The following SRRM2 variants were observed in gnomAD, a reference collection of about 807,000 sequenced individuals.
The protein encoded by SRRM2 is serine/arginine repetitive matrix 2, also known as serine/arginine repetitive matrix protein 2.
In SRRM2, 30 loss-of-function variants were observed where a neutral mutation model predicts 213.8. The observed-to-expected ratio is 0.14, with a 90% CI of 0.10 to 0.19. The LOEUF is 0.19. Among genes scored for constraint, SRRM2 ranks in the 10% least tolerant of loss-of-function variants. The pLI is 1.00. For synonymous variants in SRRM2, 2,025 were observed against 1,377.7 expected (o/e 1.47, Z -10.40); for missense variants, 4,904 against 3,647.0 (o/e 1.34, Z -8.88).
Position 2,770,972 on chromosome 16 carries a change from A to C in SRRM2, c.*105A>C. 6.9e-7 allele frequency: 1 copy of C among 1,454,712 alleles called. No homozygotes were observed. Among genetic ancestry groups the C allele is most frequent in the South Asian group, 1.2e-5 (1 of 81,856 alleles). The allele number at this position is 1,454,712 out of a possible 1,614,324, so 90.1% of individuals were successfully genotyped here. On this transcript the variant is annotated 3_prime_UTR_variant, in exon 15 of 15. Coordinates refer to ENST00000301740, the MANE Select transcript of SRRM2 (RefSeq NM_016333.4). Reference sequence around the variant, plus strand: ...AGGGTCCTTGTCTGCTCTCCTTTGAACCTTGGCAGCCCTTGGATGGAGGGC... The same window carrying C: ...AGGGTCCTTGTCTGCTCTCCTTTGACCCTTGGCAGCCCTTGGATGGAGGGC...
Position 2,764,161 on chromosome 16 carries a change from G to C in SRRM2, c.3633G>C (p.Arg1211Ser). ...AAGACACACTTAGAACCCCGCCAAG[G>C]GAAAGAAGTGGTGCTGGGTCATCTC... ...VFKDTLRTPPRERSGAGSSPE... is the reference protein window; with the variant it reads ...VFKDTLRTPPSERSGAGSSPE... Residue 1211 changes from arginine (R) to serine (S), a missense_variant, in exon 11 of 15, where the codon AGG (arginine) becomes AGC (serine). Coordinates refer to ENST00000301740, the MANE Select transcript of SRRM2 (RefSeq NM_016333.4). 6.2e-7 allele frequency: 1 copy of C among 1,614,006 alleles called. No individual in the cohort carries two copies. Among genetic ancestry groups the C allele is most frequent in the South Asian group, 1.1e-5 (1 of 91,084 alleles).
chr16:2,763,500 G>A lies in SRRM2; in HGVS notation c.2972G>A (p.Gly991Glu), dbSNP rs1310498655. The A allele has an allele frequency of 4.3e-6, 7 of 1,613,930 alleles. No individual in the cohort carries two copies. Among genetic ancestry groups the A allele is most frequent in the Non-Finnish European group, 5.9e-6 (7 of 1,180,022 alleles). ...ACACCGCCAAGACAAAGTCACTCAGGGTCTATTTCACCATACCCCAAAGTA... is the reference window on the plus strand; with the variant it reads ...ACACCGCCAAGACAAAGTCACTCAGAGTCTATTTCACCATACCCCAAAGTA... Reference protein sequence around the residue: ...PETPPRQSHSGSISPYPKVKA... With the variant: ...PETPPRQSHSESISPYPKVKA... The change falls in exon 11 of 15, where the codon GGG becomes GAG. Residue 991 changes from glycine (G) to glutamate (E), a missense_variant. Coordinates refer to ENST00000301740, the MANE Select transcript of SRRM2 (RefSeq NM_016333.4).
At position 2,763,708 on chromosome 16, in the gene SRRM2, A is replaced by G. The variant is rs1280672038; in HGVS notation, c.3180A>G (p.Gln1060=). 24 of 1,614,076 alleles carry G rather than the reference A, an allele frequency of 1.5e-5. No homozygotes were observed. The highest frequency in any genetic ancestry group is 4.0e-5 in the African/African-American group (3 of 74,930). ...TCTCATCTCTGCAACTGAAAGGACA[A>G]TCTCAAACTTCACCAGACCACAGAT... The part of the protein sequence containing the change: ...FGVSSLQLKG[Q]SQTSPDHRSD... Residue 1060 remains glutamine (Q), a synonymous_variant, in exon 11 of 15, where the codon CAA becomes CAG. Coordinates refer to ENST00000301740, the MANE Select transcript of SRRM2 (RefSeq NM_016333.4).
At position 2,761,916 on chromosome 16, in the gene SRRM2, C is replaced by T; in HGVS notation, c.1388C>T (p.Ser463Leu). 6.2e-7 allele frequency: 1 copy of T among 1,613,938 alleles called. No individual in the cohort carries two copies. Among genetic ancestry groups the T allele is most frequent in the Non-Finnish European group, 8.5e-7 (1 of 1,180,018 alleles). The change falls in exon 11 of 15, where the codon TCA (serine) becomes TTA (leucine). Residue 463 changes from serine (S) to leucine (L), a missense_variant. Transcript: ENST00000301740. ...TCTTCTCCCACATCTAAGAATCGCT[C>T]ACATGGCCGAGCAAAACGGGATAAA... Reference protein sequence around the residue: ...ISSSPTSKNRSHGRAKRDKSH... With the variant: ...ISSSPTSKNRLHGRAKRDKSH...
chr16:2,758,317 G>A (rs145386939), intron 4 of SRRM2, among the ~76,000 whole-genome samples, 153 bp from the exon 5 acceptor site: 538 of 152,306 alleles, frequency 3.5e-3, no homozygotes, highest in Non-Finnish European at 5.9e-3. Flanking sequence ...TACGGTGTGA[G>A]CTGTGTTGCT....
chr16:2,770,687 G>T lies in SRRM2; in HGVS notation c.8219G>T (p.Ser2740Ile), dbSNP rs1385772595. Reference sequence around the variant, plus strand: ...CACAAGCGCAGGAGGGAGACACCTAGCCCTCGGCCCATGAGACACCGCTCC... The same window carrying T: ...CACAAGCGCAGGAGGGAGACACCTATCCCTCGGCCCATGAGACACCGCTCC... ...PSHKRRRETP[S>I]PRPMRHRSSR... Residue 2740 changes from serine to isoleucine, a missense_variant, in exon 14 of 15, where the codon AGC (serine) becomes ATC (isoleucine). By Grantham distance (142) the Ser-to-Ile change is moderately radical (BLOSUM62 -2). Transcript: ENST00000301740. 5 of 1,556,678 alleles carry T rather than the reference G, an allele frequency of 3.2e-6. No homozygotes were observed. Among genetic ancestry groups the T allele is most frequent in the Non-Finnish European group, 4.4e-6 (5 of 1,149,202 alleles).
chr16:2,758,348 G>A, intron 4 of SRRM2, 122 bp from the exon 5 acceptor site: 1 of 923,816 alleles, frequency 1.1e-6, no homozygotes, highest in Non-Finnish European at 1.7e-6. Flanking sequence ...CCCACCTGAG[G>A]CAACAGAGCG....
chr16:2,764,460 C>T lies in SRRM2; in HGVS notation c.3932C>T (p.Ser1311Phe), dbSNP rs75894599. ...MASSWGGPHF[S>F]PEHKELSNSP... ...TCATCTTGGGGTGGGCCACATTTTT[C>T]TCCAGAACATAAAGAACTGTCTAAC... Residue 1311 changes from serine (S) to phenylalanine (F), a missense_variant, in exon 11 of 15, where the codon TCT becomes TTT. Transcript: ENST00000301740. The T allele has an allele frequency of 1.2e-4, 188 of 1,612,896 alleles. No individual in the cohort carries two copies. In the East Asian group the frequency reaches 3.9e-3, roughly 34 times the overall value.
chr16:2,771,310 C>T lies in SRRM2; in HGVS notation c.*443C>T, dbSNP rs771413323. 2.5e-6 allele frequency: 3 copies of T among 1,184,026 alleles called. No individual in the cohort carries two copies. The highest frequency in any genetic ancestry group is 3.0e-5 in the African/African-American group (2 of 66,564). The allele number at this position is 1,184,026 out of a possible 1,614,324, so 73.3% of individuals were successfully genotyped here. ...TACTGTCCCCCATGAGGTTGTGAAC[C>T]CCTCCCCCCAACTTTTCATGTTTCT... On this transcript the variant is annotated 3_prime_UTR_variant, in exon 15 of 15. Coordinates refer to ENST00000301740, the MANE Select transcript of SRRM2 (RefSeq NM_016333.4).
At position 2,765,469 on chromosome 16, in the gene SRRM2, T is replaced by C. The variant is rs1427533264; in HGVS notation, c.4941T>C (p.Pro1647=). 6.2e-7 allele frequency: 1 copy of C among 1,614,158 alleles called. No homozygotes were observed. The highest frequency in any genetic ancestry group is 1.7e-5 in the Admixed American group (1 of 60,008). Residue 1647 remains proline, a synonymous_variant, in exon 11 of 15, where the codon CCT becomes CCC. Coordinates refer to ENST00000301740, the MANE Select transcript of SRRM2 (RefSeq NM_016333.4). Reference sequence around the variant, plus strand: ...GTTCATCAAGCAAAGGCAGAGGCCCTTCTCCTGAAGGAAGCAGCAGTACCG... The same window carrying C: ...GTTCATCAAGCAAAGGCAGAGGCCCCTCTCCTGAAGGAAGCAGCAGTACCG... ...RSGSSSKGRG[P]SPEGSSSTES...
Position 2,756,397 on chromosome 16 carries a change from G to C in SRRM2, c.33G>C (p.Arg11=). 4 of 1,608,986 alleles carry C rather than the reference G, an allele frequency of 2.5e-6. No individual in the cohort carries two copies. The highest frequency in any genetic ancestry group is 3.4e-6 in the Non-Finnish European group (4 of 1,178,306). The change falls in exon 2 of 15, where the codon CGG becomes CGC. Residue 11 remains arginine, a synonymous_variant. Transcript: ENST00000301740. ...ACGGGATCGGGCTGCCGACGCCCCG[G>C]GGCAGCGGCACCAACGGCTACGTCC... MYNGIGLPTP[R]GSGTNGYVQR...
In SRRM2 at chr16:2,762,402, C is replaced by A. The variant is rs762426501; in HGVS notation, c.1874C>A (p.Ser625Tyr). The A allele has an allele frequency of 1.2e-6, 2 of 1,614,198 alleles. No individual in the cohort carries two copies. The highest frequency in any genetic ancestry group is 1.1e-5 in the South Asian group (1 of 91,082). Residue 625 changes from serine (S) to tyrosine (Y), a missense_variant, in exon 11 of 15, where the codon TCT becomes TAT. Ser to Tyr is a moderately radical substitution (Grantham distance 144). Transcript: ENST00000301740. The part of the protein sequence containing the change: ...SRSRTPARRR[S>Y]RTRSPVRRRS... ...TCTAGAACACCTGCTAGGCGCAGAT[C>A]TAGGACCCGATCACCAGTACGACGC...
At position 2,763,956 on chromosome 16, in the gene SRRM2, C is replaced by A. The variant is rs148873006; in HGVS notation, c.3428C>A (p.Ser1143Tyr). The A allele has an allele frequency of 1.9e-6, 3 of 1,614,214 alleles. No individual in the cohort carries two copies. The highest frequency in any genetic ancestry group is 1.7e-5 in the Admixed American group (1 of 60,026). ...PEQSRFQSDS[S>Y]SYPTVDSNSL... ...CAGAGCAGGTTCCAGTCTGACTCTTCTTCATATCCTACAGTGGACTCGAAT... is the reference window on the plus strand; with the variant it reads ...CAGAGCAGGTTCCAGTCTGACTCTTATTCATATCCTACAGTGGACTCGAAT... The change falls in exon 11 of 15, where the codon TCT becomes TAT. Residue 1143 changes from serine (S) to tyrosine (Y), a missense_variant. Ser to Tyr is a moderately radical substitution (Grantham distance 144, BLOSUM62 -2). Coordinates refer to ENST00000301740, the MANE Select transcript of SRRM2 (RefSeq NM_016333.4).
chr16:2,763,852 G>C lies in SRRM2; in HGVS notation c.3324G>C (p.Leu1108=). The change falls in exon 11 of 15, where the codon CTG becomes CTC. Residue 1108 remains leucine (L), a synonymous_variant. Transcript: ENST00000301740. ...RSRSSSPVTE[L]ASRSPIRQDR... is the part of the protein sequence containing the mutation. The stretch of plus-strand genomic sequence containing the variant: ...GGTCTTCATCTCCAGTCACTGAGCT[G>C]GCATCCAGATCTCCAATAAGACAAG... 1 of 1,614,164 alleles carries C rather than the reference G, an allele frequency of 6.2e-7. No homozygotes were observed. The highest frequency in any genetic ancestry group is 8.5e-7 in the Non-Finnish European group (1 of 1,180,024).
chr16:2,761,648 C>T lies in SRRM2; in HGVS notation c.1120C>T (p.His374Tyr), dbSNP rs949032170. 2.5e-6 allele frequency: 4 copies of T among 1,585,800 alleles called. No individual in the cohort carries two copies. Among genetic ancestry groups the T allele is most frequent in the African/African-American group, 1.4e-5 (1 of 73,780 alleles). The change falls in exon 11 of 15, where the codon CAT (histidine) becomes TAT (tyrosine). Residue 374 changes from histidine (H) to tyrosine (Y), a missense_variant. Coordinates refer to ENST00000301740, the MANE Select transcript of SRRM2 (RefSeq NM_016333.4). Reference sequence around the variant, plus strand: ...TCCCACTCCGCTCCTTGCTGAGCGACATGGCGGCTCCCCACAACCCCTTGC... The same window carrying T: ...TCCCACTCCGCTCCTTGCTGAGCGATATGGCGGCTCCCCACAACCCCTTGC... Reference protein sequence around the residue: ...PAPTPLLAERHGGSPQPLATT... With the variant: ...PAPTPLLAERYGGSPQPLATT...
At position 2,771,001 on chromosome 16, in the gene SRRM2, C is replaced by G; in HGVS notation, c.*134C>G. 1 of 994,528 alleles carries G rather than the reference C, an allele frequency of 1.0e-6. No homozygotes were observed. Among genetic ancestry groups the G allele is most frequent in the East Asian group, 2.7e-5 (1 of 37,336 alleles). 61.6% of individuals were successfully genotyped at this position (994,528 alleles called of 1,614,324 possible). On this transcript the variant is annotated 3_prime_UTR_variant, in exon 15 of 15. Coordinates refer to ENST00000301740, the MANE Select transcript of SRRM2 (RefSeq NM_016333.4). ...TGGCAGCCCTTGGATGGAGGGCTCCCTTTCCCTCCCCTTTTTTTTTTCTTT... is the reference window on the plus strand; with the variant it reads ...TGGCAGCCCTTGGATGGAGGGCTCCGTTTCCCTCCCCTTTTTTTTTTCTTT...
chr16:2,769,423 C>T (rs1269646716), intron 12 of SRRM2, 139 bp downstream of exon 12: 8 of 985,648 alleles, frequency 8.1e-6, no homozygotes, highest in Non-Finnish European at 9.0e-6. Flanking sequence ...CACTTGCTCT[C>T]CTCTCCCCAT....
In SRRM2 at chr16:2,763,437, C is replaced by T. The variant is rs774145254; in HGVS notation, c.2909C>T (p.Ser970Phe). The T allele has an allele frequency of 1.2e-6, 2 of 1,614,106 alleles. No homozygotes were observed. Among genetic ancestry groups the T allele is most frequent in the African/African-American group, 2.7e-5 (2 of 74,932 alleles). ...AGATTGTTGCCAAGATACAGTCATT[C>T]TGGGTCCTCCTCACCAGATACCAAA... is the stretch of plus-strand genomic sequence containing the variant. ...ESRLLPRYSH[S>F]GSSSPDTKVK... Residue 970 changes from serine (S) to phenylalanine (F), a missense_variant, in exon 11 of 15, where the codon TCT (serine) becomes TTT (phenylalanine). Coordinates refer to ENST00000301740, the MANE Select transcript of SRRM2 (RefSeq NM_016333.4).
rs1347301124 is a variant in SRRM2, at chr16:2,761,689, C to T, written c.1161C>T (p.Ser387=). The change falls in exon 11 of 15, where the codon AGC becomes AGT. Residue 387 remains serine (S), a synonymous_variant. Transcript: ENST00000301740. ...SPQPLATTPL[S]QEPVNPPSEA... is the part of the protein sequence containing the mutation. ...AACCCCTTGCAACCACCCCCTTAAG[C>T]CAGGAGCCAGTGAACCCCCCATCTG... The T allele has an allele frequency of 1.2e-6, 2 of 1,604,382 alleles. No homozygotes were observed. The highest frequency in any genetic ancestry group is 2.7e-5 in the African/African-American group (2 of 74,622).
Sources: allele counts gnomAD v4.1 joint callset (sites outside exome capture counted in the v4.1 genomes callset), GRCh38; gene constraint gnomAD v4.1.1; transcripts MANE v1.5; gene names NCBI Gene and HGNC (gene_info 2026-07-23, HGNC 2026-07-21).